ATP5F1E: variants seen among roughly 807,000 people sequenced by gnomAD.
ATP5F1E encodes the protein ATP synthase F1 subunit epsilon, also known as ATP synthase F(1) complex subunit epsilon, mitochondrial.
Under a neutral mutation model 7.0 loss-of-function variants are expected in ATP5F1E, and 5 were observed. That is an observed-to-expected ratio of 0.71 (90% CI 0.37 to 1.49). The LOEUF (loss-of-function observed/expected upper bound fraction) is 1.49, where lower values mean the gene tolerates loss of function less well. Ranked by LOEUF, ATP5F1E falls within the 40% of genes most tolerant of loss-of-function variation. The pLI is 0.03. For missense variants in ATP5F1E, 59 were observed against 57.1 expected, an observed-to-expected ratio of 1.03 and a Z score of -0.11; for synonymous variants, 20 against 20.1, an observed-to-expected ratio of 0.99 and a Z score of 0.02.
Position 59,025,869 on chromosome 20 carries a change from CATT to C in ATP5F1E, c.*2973_*2975del, listed in dbSNP as rs1461845906. On this transcript the variant is annotated 3_prime_UTR_variant, in exon 3 of 3. Coordinates refer to ENST00000243997, the MANE Select transcript of ATP5F1E (RefSeq NM_006886.4). ...GCACTACATGATTTTAATCTGCTCA[CATT>C]ATAACAGGACCAAATACACAAGAGC... 2 of 152,232 alleles carry C rather than the reference CATT, an allele frequency of 1.3e-5. No individual in the cohort carries two copies. Among genetic ancestry groups the C allele is most frequent in the African/African-American group, 2.4e-5 (1 of 41,458 alleles). The allele number at this position is 152,232 out of a possible 1,614,324, so 9.4% of individuals were successfully genotyped here.
chr20:59,028,870 T>C (rs1369465775), intron 2 of ATP5F1E, 29 bp from the exon 3 acceptor site: 1 of 167,100 alleles, frequency 6.0e-6, no homozygotes, highest in African/African-American at 2.4e-5. Context: ...TGCAAGTTGC[T>C]GGCTAGTTCT....
At chr20:59,029,885 T>C (rs1400011565) in intron 2 of ATP5F1E, 2 of 252,176 alleles carry the variant, frequency 7.9e-6, no homozygotes, top group African/African-American at 4.6e-5. Context: ...GTGAGAACAT[T>C]AGTGGTTGTG....
chr20:59,030,410 T>A lies in ATP5F1E; in HGVS notation c.52A>T (p.Ile18Phe). The A allele has an allele frequency of 6.2e-7, 1 of 1,613,882 alleles. No individual in the cohort carries two copies. The highest frequency in any genetic ancestry group is 8.5e-7 in the Non-Finnish European group (1 of 1,179,852). ...GCATCTCTCACTGCTTTTGCACAGA[T>A]CTGGGAGTATCGGATGTAGCTGGGA... ...AGLSYIRYSQ[I>F]CAKAVRDALK... The change falls in exon 2 of 3, where the codon ATC becomes TTC. Residue 18 changes from isoleucine (I) to phenylalanine (F), a missense_variant. By Grantham distance (21) the Ile-to-Phe change is conservative. Coordinates refer to ENST00000243997, the MANE Select transcript of ATP5F1E (RefSeq NM_006886.4).
chr20:59,026,913 C>T lies in ATP5F1E; in HGVS notation c.*1932G>A, dbSNP rs2091997673. On this transcript the variant is annotated 3_prime_UTR_variant, in exon 3 of 3. Coordinates refer to ENST00000243997, the MANE Select transcript of ATP5F1E (RefSeq NM_006886.4). ...AGAACGATGTGAACTAAGAGATTAA[C>T]TGACAGCTTCAAACATCATCCAACT... 1 of 152,230 alleles carries T rather than the reference C, an allele frequency of 6.6e-6. No homozygotes were observed. The highest frequency in any genetic ancestry group is 2.1e-4 in the South Asian group (1 of 4,836). The allele number at this position is 152,230 out of a possible 1,614,324, so 9.4% of individuals were successfully genotyped here. A position where few individuals can be genotyped will look rare whatever the true frequency, so the allele number is the denominator to read the frequency against.
At chr20:59,031,914 C>T (rs748146213) in intron 1 of ATP5F1E, among the ~76,000 whole-genome samples, 1 of 152,254 alleles carries the variant, frequency 6.6e-6, no homozygotes, top group Non-Finnish European at 1.5e-5. Flanking sequence ...AAAAGGTTTG[C>T]TAAATAAGAG....
chr20:59,027,004 G>A lies in ATP5F1E; in HGVS notation c.*1841C>T, dbSNP rs1947746292. 6.6e-6 allele frequency: 1 copy of A among 152,198 alleles called. No individual in the cohort carries two copies. The highest frequency in any genetic ancestry group is 1.5e-5 in the Non-Finnish European group (1 of 68,038). 9.4% of individuals were successfully genotyped at this position (152,198 alleles called of 1,614,324 possible). ...CCTCATCACTGGGCACAGTCATCCT[G>A]CCAGCTACCCAGCACTGCTGGAGGC... On this transcript the variant is annotated 3_prime_UTR_variant, in exon 3 of 3. Coordinates refer to ENST00000243997, the MANE Select transcript of ATP5F1E (RefSeq NM_006886.4).
chr20:59,031,832 A>G (rs2092033432), intron 1 of ATP5F1E, among the ~76,000 whole-genome samples: 1 of 152,244 alleles, frequency 6.6e-6, no homozygotes, highest in Non-Finnish European at 1.5e-5. Context: ...ACGTGGAGAG[A>G]AATCTCCTGT....
intron 1 of ATP5F1E, among the ~76,000 whole-genome samples, chr20:59,031,018 CA>C (rs1318351126): frequency 6.6e-6 from 1 of 152,186 alleles, no homozygotes; most frequent in Non-Finnish European, 1.5e-5. Context: ...TCAATTCTAG[CA>C]AAACTGTAAA....
chr20:59,028,383 G>A lies in ATP5F1E; in HGVS notation c.*462C>T, dbSNP rs2092005735. On this transcript the variant is annotated 3_prime_UTR_variant, in exon 3 of 3. Coordinates refer to ENST00000243997, the MANE Select transcript of ATP5F1E (RefSeq NM_006886.4). ...TTTCTTCTTCTAATCTACACTTTTA[G>A]TATTTAATAATTATTTCCATTTGTT... is the stretch of plus-strand genomic sequence containing the variant. 1 of 152,100 alleles carries A rather than the reference G, an allele frequency of 6.6e-6. No homozygotes were observed. Among genetic ancestry groups the A allele is most frequent in the Non-Finnish European group, 1.5e-5 (1 of 68,006 alleles). 9.4% of individuals were successfully genotyped at this position (152,100 alleles called of 1,614,324 possible).
Position 59,032,272 on chromosome 20 carries a change from C to G in ATP5F1E, c.-21G>C. ...ACCATGCTGTAGCGAAAGCGGAGCT[C>G]GTCGGGCCGAATCGCCAAGACGCCG... On this transcript the variant is annotated 5_prime_UTR_variant, in exon 1 of 3. Transcript: ENST00000243997. The G allele has an allele frequency of 1.9e-6, 3 of 1,598,128 alleles. No homozygotes were observed. Among genetic ancestry groups the G allele is most frequent in the Non-Finnish European group, 2.6e-6 (3 of 1,172,828 alleles).
At position 59,027,301 on chromosome 20, in the gene ATP5F1E, CAAT is replaced by C. The variant is rs959273235; in HGVS notation, c.*1541_*1543del. 5 of 151,288 alleles carry C rather than the reference CAAT, an allele frequency of 3.3e-5. No individual in the cohort carries two copies. The highest frequency in any genetic ancestry group is 1.2e-4 in the African/African-American group (5 of 41,058). 9.4% of individuals were successfully genotyped at this position (151,288 alleles called of 1,614,324 possible). On this transcript the variant is annotated 3_prime_UTR_variant, in exon 3 of 3. Transcript: ENST00000243997. ...CCATCTGCCTCAACATACCATATAC[CAAT>C]AATCTGCCAATATACTACCAATCTA...
intron 1 of ATP5F1E, among the ~76,000 whole-genome samples, chr20:59,031,788 G>T (rs2092032828): frequency 6.6e-6 from 1 of 152,242 alleles, no homozygotes; most frequent in Admixed American, 6.5e-5. Flanking sequence ...CCACCTCGAT[G>T]CTGGATTAAA....
At position 59,030,382 on chromosome 20, in the gene ATP5F1E, A is replaced by G; in HGVS notation, c.80T>C (p.Leu27Pro). Residue 27 changes from leucine (L) to proline (P), a missense_variant, in exon 2 of 3, where the codon CTG becomes CCG. By Grantham distance (98) the Leu-to-Pro change is moderately conservative. Coordinates refer to ENST00000243997, the MANE Select transcript of ATP5F1E (RefSeq NM_006886.4). ...AGCATTTGCTTTGAATTCTGTCTTC[A>G]GTGCATCTCTCACTGCTTTTGCACA... ...QICAKAVRDA[L>P]KTEFKANAEK... 1.2e-6 allele frequency: 2 copies of G among 1,613,964 alleles called. No homozygotes were observed. The highest frequency in any genetic ancestry group is 1.1e-5 in the South Asian group (1 of 91,086).
rs3215617 is a variant in ATP5F1E at position 59,028,740 on chromosome 20, ATTTT to A, written c.*101_*104del. 1 of 156,962 alleles carries A rather than the reference ATTTT, an allele frequency of 6.4e-6. No individual in the cohort carries two copies. Among genetic ancestry groups the A allele is most frequent in the Admixed American group, 6.7e-5 (1 of 14,944 alleles). The allele number at this position is 156,962 out of a possible 1,614,324, so 9.7% of individuals were successfully genotyped here. A position where few individuals can be genotyped will look rare whatever the true frequency, so the allele number is the denominator to read the frequency against. On this transcript the variant is annotated 3_prime_UTR_variant, in exon 3 of 3. Transcript: ENST00000243997. ...ATTGTCAATTTATGAACAAGACAGG[ATTTT>A]TTTTTTTCCCATGGAATGAGATCCT...
At chr20:59,032,109 C>T in intron 1 of ATP5F1E, 111 bp downstream of exon 1, 6 of 1,471,094 alleles carry the variant, frequency 4.1e-6, no homozygotes, top group Non-Finnish European at 5.5e-6. Flanking sequence ...GAGGCTTGGC[C>T]CAACCCCGGT....
chr20:59,030,938 AG>A (rs1221049319), intron 1 of ATP5F1E, among the ~76,000 whole-genome samples: 1 of 152,236 alleles, frequency 6.6e-6, no homozygotes, highest in Non-Finnish European at 1.5e-5. Flanking sequence ...CTGTCTCACA[AG>A]TCTGCCACTG....
At chr20:59,031,522 G>A (rs1482905232) in intron 1 of ATP5F1E, among the ~76,000 whole-genome samples, 1 of 152,136 alleles carries the variant, frequency 6.6e-6, no homozygotes, top group Non-Finnish European at 1.5e-5. Context: ...GTGTCACCTA[G>A]AGCAAGGTAC....
chr20:59,032,014 G>A (rs969666381), intron 1 of ATP5F1E, among the ~76,000 whole-genome samples: 1 of 152,252 alleles, frequency 6.6e-6, no homozygotes, highest in Non-Finnish European at 1.5e-5. Flanking sequence ...AGCGAGGCAG[G>A]ACACAGACGC....
rs2091994289 is a variant in ATP5F1E at position 59,026,314 on chromosome 20, GCTTT to G, written c.*2527_*2530del. 1 of 152,110 alleles carries G rather than the reference GCTTT, an allele frequency of 6.6e-6. No homozygotes were observed. Among genetic ancestry groups the G allele is most frequent in the South Asian group, 2.1e-4 (1 of 4,828 alleles). The allele number at this position is 152,110 out of a possible 1,614,324, so 9.4% of individuals were successfully genotyped here. The stretch of plus-strand genomic sequence containing the variant: ...ACAAAACAACATTCATGTTTTAAAT[GCTTT>G]CTACTTGTGGTTCAAGAAGCACTAG... On this transcript the variant is annotated 3_prime_UTR_variant, in exon 3 of 3. Transcript: ENST00000243997.
Sources: allele counts gnomAD v4.1 joint callset (sites outside exome capture counted in the v4.1 genomes callset), GRCh38; gene constraint gnomAD v4.1.1; transcripts MANE v1.5; gene names NCBI Gene and HGNC (gene_info 2026-07-23, HGNC 2026-07-21).